AVEN: variants seen among roughly 807,000 people sequenced by gnomAD.
The protein encoded by AVEN is cell death regulator Aven.
A neutral mutation model predicts 38.1 loss-of-function variants in AVEN; 41 were observed. The ratio of observed to expected loss-of-function variants is 1.08; its 90% CI spans 0.84 to 1.40. AVEN has a LOEUF of 1.40. AVEN is among the 40% of genes most tolerant of loss of function. The pLI is 0.00. For missense variants in AVEN, 605 were observed against 438.8 expected, an observed-to-expected ratio of 1.38 and a Z score of -3.38; for synonymous variants, 206 against 171.8, an observed-to-expected ratio of 1.20 and a Z score of -1.56.
chr15:34,022,376 A>C (rs1898239973), intron 1 of AVEN, among the ~76,000 whole-genome samples: 1 of 152,218 alleles, frequency 6.6e-6, no homozygotes, highest in Non-Finnish European at 1.5e-5. Context: ...TGTGACCTTT[A>C]GGAAGCTCTC....
At chr15:33,853,468 G>A in the AVEN span, 1 of 1,499,222 alleles carries the variant, frequency 6.7e-7, no homozygotes, top group East Asian at 2.3e-5. Flanking sequence ...ATTGCCCATA[G>A]GGCAGCAAAG....
downstream of AVEN, among the ~76,000 whole-genome samples, chr15:33,857,007 C>G (rs1245818398): frequency 6.6e-6 from 1 of 152,240 alleles, no homozygotes; most frequent in South Asian, 2.1e-4. Flanking sequence ...ATTGTGAAGC[C>G]TCAGGTAACA....
At chr15:33,925,674 A>G (rs1893581966) in intron 2 of AVEN, among the ~76,000 whole-genome samples, 2 of 152,238 alleles carry the variant, frequency 1.3e-5, no homozygotes, top group Non-Finnish European at 2.9e-5. Context: ...AATGAGGTGC[A>G]TTATAAAGAA....
At chr15:34,064,284 T>C in intron 4 of AVEN, 1 of 1,613,782 alleles carries the variant, frequency 6.2e-7, no homozygotes, top group South Asian at 1.1e-5. Flanking sequence ...GGAAGAGAAG[T>C]TGTACTGGCA....
At chr15:33,926,548 T>C (rs551222442) in intron 2 of AVEN, among the ~76,000 whole-genome samples, 1 of 152,328 alleles carries the variant, frequency 6.6e-6, no homozygotes, top group African/African-American at 2.4e-5. Flanking sequence ...CAGAGGCTCA[T>C]GCCTATAATC....
chr15:33,867,791 C>G lies in AVEN; in HGVS notation c.677G>C (p.Gly226Ala). Residue 226 changes from glycine (G) to alanine (A), a missense_variant, in exon 5 of 6, where the codon GGG becomes GCG. Transcript: ENST00000306730. ...CCCCAAGGGCCCCTTTAACTGCATCCCTAATCCCTTGCCATCATCAGTTCT... is the reference window on the plus strand; with the variant it reads ...CCCCAAGGGCCCCTTTAACTGCATCGCTAATCCCTTGCCATCATCAGTTCT... ...PKRTDDGKGL[G>A]MQLKGPLGPG... 6.2e-7 allele frequency: 1 copy of G among 1,613,400 alleles called. No homozygotes were observed. The highest frequency in any genetic ancestry group is 8.5e-7 in the Non-Finnish European group (1 of 1,179,750).
intron 3 of AVEN, among the ~76,000 whole-genome samples, chr15:33,873,886 T>A (rs1486783940): frequency 2.6e-5 from 4 of 152,162 alleles, no homozygotes; most frequent in Non-Finnish European, 5.9e-5. Context: ...TGAGCACAGT[T>A]GACCCCATCC....
chr15:34,065,221 C>A (rs929110733), intron 4 of AVEN: 3 of 152,402 alleles, frequency 2.0e-5, no homozygotes, highest in African/African-American at 7.2e-5. Flanking sequence ...GTGTAAGAGC[C>A]CTTCACTGGC....
At chr15:34,030,082 C>T (rs1224339047) in intron 1 of AVEN, among the ~76,000 whole-genome samples, 1 of 151,984 alleles carries the variant, frequency 6.6e-6, no homozygotes, top group Non-Finnish European at 1.5e-5. Flanking sequence ...GGTGCGACCC[C>T]ATCTCTACTA....
intron 2 of AVEN, among the ~76,000 whole-genome samples, chr15:33,984,378 C>T (rs1896327249): frequency 6.6e-6 from 1 of 151,174 alleles, no homozygotes; most frequent in African/African-American, 2.4e-5. Context: ...AGTCACTTTC[C>T]TCACCTGTTA....
chr15:34,028,935 C>A (rs1438957197), intron 1 of AVEN, among the ~76,000 whole-genome samples: 1 of 152,090 alleles, frequency 6.6e-6, no homozygotes, highest in Non-Finnish European at 1.5e-5. Context: ...AGGCAAAAAG[C>A]AGAACACTTA....
intron 2 of AVEN, among the ~76,000 whole-genome samples, chr15:33,997,060 T>G (rs1282848641): frequency 6.6e-6 from 1 of 152,122 alleles, no homozygotes; most frequent in Non-Finnish European, 1.5e-5. Context: ...TAGCAAACAA[T>G]AAAATGTAAC....
At chr15:33,940,399 A>G (rs1199225441) in intron 2 of AVEN, among the ~76,000 whole-genome samples, 1 of 152,202 alleles carries the variant, frequency 6.6e-6, no homozygotes, top group Non-Finnish European at 1.5e-5. Flanking sequence ...TGCAAATACA[A>G]TATTATGAAT....
chr15:33,859,598 G>T (rs773625582), intron 11 of AVEN: 1 of 1,614,002 alleles, frequency 6.2e-7, no homozygotes, highest in Non-Finnish European at 8.5e-7. Flanking sequence ...ACATGTACGT[G>T]GGAGTGAGAG....
chr15:33,933,608 A>T (rs114147210), intron 2 of AVEN, among the ~76,000 whole-genome samples: 1 of 144,920 alleles, frequency 6.9e-6, no homozygotes, highest in African/African-American at 2.6e-5. Flanking sequence ...TTGGAGCTCC[A>T]GTCTCTTTTT....
chr15:33,882,310 G>A (rs901947461), intron 2 of AVEN, among the ~76,000 whole-genome samples: 4 of 152,152 alleles, frequency 2.6e-5, no homozygotes, highest in Non-Finnish European at 4.4e-5. Flanking sequence ...TTTAAAAGGG[G>A]GAAGGGGGTA....
chr15:34,057,604 T>C (rs554303), intron 5 of AVEN, among the ~76,000 whole-genome samples: 96,336 of 151,952 alleles, frequency 0.63, 32,296 homozygotes, highest in South Asian at 0.78. Context: ...GTTTAAAATC[T>C]GAGACTCAGG....
chr15:34,071,798 C>T (rs1900631795), intron 1 of AVEN, among the ~76,000 whole-genome samples: 1 of 152,240 alleles, frequency 6.6e-6, no homozygotes, highest in East Asian at 1.9e-4. Context: ...TACTCTTTCT[C>T]CCTAAGAAAC....
chr15:33,864,253 G>T (rs370236091), downstream of AVEN: 2 of 1,281,630 alleles, frequency 1.6e-6, no homozygotes, highest in Non-Finnish European at 2.2e-6. Flanking sequence ...AGACTTAGTA[G>T]GGCATAGGTT....
Sources: allele counts gnomAD v4.1 joint callset (sites outside exome capture counted in the v4.1 genomes callset), GRCh38; gene constraint gnomAD v4.1.1; transcripts MANE v1.5; gene names NCBI Gene and HGNC (gene_info 2026-07-23, HGNC 2026-07-21).